Variants in GABBR2 observed in about 807,000 individuals in gnomAD.
GABBR2 encodes the protein G-protein coupled receptor 51.
GABBR2 carries 23 observed loss-of-function variants against 105.6 expected under a neutral mutation model. That is an observed-to-expected ratio of 0.22 (90% CI 0.16 to 0.31). The LOEUF (loss-of-function observed/expected upper bound fraction) is 0.31. GABBR2 is among the 10% of genes least tolerant of loss of function. GABBR2 has a pLI of 1.00. For synonymous variants in GABBR2, 478 were observed against 499.7 expected, an observed-to-expected ratio of 0.96 and a Z score of 0.58; for missense variants, 734 against 1,245.5, an observed-to-expected ratio of 0.59 and a Z score of 6.18.
chr9:98,695,151 A>T (rs112604851), intron 1 of GABBR2, among the ~76,000 whole-genome samples: 2 of 152,196 alleles, frequency 1.3e-5, no homozygotes, highest in Non-Finnish European at 2.9e-5. Flanking sequence ...AGCATCACTC[A>T]TGCGAAACAC....
In GABBR2 at chr9:98,610,253, TAAAG is replaced by T. The variant is rs552109161; in HGVS notation, c.322-32185_322-32182del. Among the ~76,000 whole-genome samples, 227 of 152,270 alleles carry T rather than the reference TAAAG, an allele frequency of 1.5e-3. 2 individuals are homozygous for T. The highest frequency in any genetic ancestry group is 4.7e-3 in the African/African-American group (197 of 41,556). ...TCTCTGAGCCTCAGTTTCCTGCCTA[TAAAG>T]AGAGGATGACAATAGTGCCTATTTC... On this transcript the variant is annotated intron_variant, in intron 1 of 18. Coordinates refer to ENST00000259455, the MANE Select transcript of GABBR2 (RefSeq NM_005458.8).
chr9:98,290,750 C>A lies in GABBR2; in HGVS notation c.2661-1G>T. 1 of 1,479,094 alleles carries A rather than the reference C, an allele frequency of 6.8e-7. No homozygotes were observed. The highest frequency in any genetic ancestry group is 8.9e-7 in the Non-Finnish European group (1 of 1,125,336). 91.6% of individuals were successfully genotyped at this position (1,479,094 alleles called of 1,614,324 possible). On this transcript the variant is annotated splice_acceptor_variant, in intron 18 of 18. Coordinates refer to ENST00000259455, the MANE Select transcript of GABBR2 (RefSeq NM_005458.8). LOFTEE classifies it high-confidence loss of function. ...CTGGAGGGACAGCCGACGCTGGATGCTGAAGAGAAGGAGAGGGAGGAGTGT... is the reference window on the plus strand; with the variant it reads ...CTGGAGGGACAGCCGACGCTGGATGATGAAGAGAAGGAGAGGGAGGAGTGT...
At chr9:98,543,443 C>G (rs1039706891) in intron 2 of GABBR2, among the ~76,000 whole-genome samples, 14 of 152,070 alleles carry the variant, frequency 9.2e-5, no homozygotes, top group Non-Finnish European at 1.6e-4. Flanking sequence ...TAGCTCACTG[C>G]AGCCTGGAAC....
chr9:98,582,273 G>A (rs1468942122), intron 1 of GABBR2, among the ~76,000 whole-genome samples: 1 of 152,226 alleles, frequency 6.6e-6, no homozygotes, highest in African/African-American at 2.4e-5. Flanking sequence ...TTGGAAGCAT[G>A]AGATGGATTT....
chr9:98,633,895 G>GTTGGGAGCTGTCTA (rs1829846815), intron 1 of GABBR2, among the ~76,000 whole-genome samples: 1 of 152,180 alleles, frequency 6.6e-6, no homozygotes, highest in Non-Finnish European at 1.5e-5. Flanking sequence ...CTCAGTGCCG[G>GTTGGGAGCTGTCTA]TTGGGAGCTG....
At chr9:98,325,928 T>G (rs1222752399) in intron 13 of GABBR2, among the ~76,000 whole-genome samples, 1 of 152,216 alleles carries the variant, frequency 6.6e-6, no homozygotes, top group African/African-American at 2.4e-5. Context: ...ATGCATCCTA[T>G]GATTCAGAAC....
intron 3 of GABBR2, among the ~76,000 whole-genome samples, chr9:98,521,432 G>A (rs906142025): frequency 6.6e-6 from 1 of 152,156 alleles, no homozygotes; most frequent in African/African-American, 2.4e-5. Flanking sequence ...TCACTAAGGA[G>A]TCCACCTATC....
At chr9:98,424,043 G>A (rs2131559321) in intron 7 of GABBR2, among the ~76,000 whole-genome samples, 2 of 152,270 alleles carry the variant, frequency 1.3e-5, no homozygotes, top group South Asian at 4.1e-4. Flanking sequence ...ATAGTTTGAA[G>A]TCAGGTATCA....
At chr9:98,481,102 A>G (rs1394606830) in intron 4 of GABBR2, 105 bp from the exon 5 acceptor site, 1 of 784,236 alleles carries the variant, frequency 1.3e-6, no homozygotes, top group Non-Finnish European at 2.3e-6. Flanking sequence ...CTCTTAGCCC[A>G]GAGCTCTGCC....
intron 1 of GABBR2, among the ~76,000 whole-genome samples, chr9:98,578,448 C>A (rs1318463578): frequency 6.6e-6 from 1 of 151,898 alleles, no homozygotes; most frequent in Non-Finnish European, 1.5e-5. Flanking sequence ...TAAAAAAACA[C>A]ACAGAAAACA....
At chr9:98,589,532 G>T (rs887948801) in intron 1 of GABBR2, among the ~76,000 whole-genome samples, 3 of 152,098 alleles carry the variant, frequency 2.0e-5, no homozygotes, top group Admixed American at 2.0e-4. Context: ...GCACACCTGG[G>T]GAACTATTAA....
intron 1 of GABBR2, among the ~76,000 whole-genome samples, chr9:98,706,665 A>G (rs529821425): frequency 3.9e-5 from 6 of 152,326 alleles, no homozygotes; most frequent in African/African-American, 1.4e-4. Context: ...GAAGCTTTCT[A>G]AAGGGAAGAA....
chr9:98,646,509 G>C (rs145058031), intron 1 of GABBR2, among the ~76,000 whole-genome samples: 68 of 152,244 alleles, frequency 4.5e-4, no homozygotes, highest in African/African-American at 1.6e-3. Context: ...TCCTTTTGCT[G>C]TAATAAATCA....
chr9:98,688,183 A>C (rs1830643466), intron 1 of GABBR2, among the ~76,000 whole-genome samples: 1 of 152,136 alleles, frequency 6.6e-6, no homozygotes, highest in Non-Finnish European at 1.5e-5. Flanking sequence ...TGGTTTTTTG[A>C]AACCAAGTGT....
intron 1 of GABBR2, among the ~76,000 whole-genome samples, chr9:98,589,651 G>A (rs1400753457): frequency 2.6e-5 from 4 of 151,224 alleles, no homozygotes; most frequent in South Asian, 2.1e-4. Flanking sequence ...AGACACTTAC[G>A]TCAAACCAGA....
rs7857277 is a variant in GABBR2, at chr9:98,292,227, C to T, written c.2661-1478G>A. 4.1e-3 allele frequency among the ~76,000 whole-genome samples: 627 copies of T among 152,292 alleles called. 6 individuals carry two copies. Among genetic ancestry groups the T allele is most frequent in the African/African-American group, 0.014 (564 of 41,564 alleles). On this transcript the variant is annotated intron_variant, in intron 18 of 18. Transcript: ENST00000259455. ...CACTCACGTGCAAAAAAGCGAAAAA[C>T]AAAAACCCCAGAGCTTAACAGACAC...
intron 3 of GABBR2, among the ~76,000 whole-genome samples, chr9:98,538,283 C>G (rs145700553): frequency 1.1e-4 from 17 of 152,202 alleles, no homozygotes; most frequent in Non-Finnish European, 2.4e-4. Context: ...GATCAGCCCA[C>G]CTGGTACCAA....
Position 98,527,237 on chromosome 9 carries a change from A to T in GABBR2, c.630+14636T>A, listed in dbSNP as rs187961213. On this transcript the variant is annotated intron_variant, in intron 3 of 18. Transcript: ENST00000259455. ...CCTAAGGTTATATTAGCATTTCCCCATTATCAGGGACACAGAAAAATTAAA... is the reference window on the plus strand; with the variant it reads ...CCTAAGGTTATATTAGCATTTCCCCTTTATCAGGGACACAGAAAAATTAAA... Among the ~76,000 whole-genome samples the T allele has an allele frequency of 2.9e-4, 44 of 151,944 alleles. No homozygotes were observed. The East Asian group carries it at 7.3e-3, about 25-fold the overall frequency.
intron 17 of GABBR2, among the ~76,000 whole-genome samples, chr9:98,297,149 C>T (rs1471546659): frequency 6.6e-6 from 1 of 151,968 alleles, no homozygotes; most frequent in Non-Finnish European, 1.5e-5. Context: ...TTCATTTTTC[C>T]CACAAATTTA....
Sources: allele counts gnomAD v4.1 joint callset (sites outside exome capture counted in the v4.1 genomes callset), GRCh38; gene constraint gnomAD v4.1.1; transcripts MANE v1.5; gene names NCBI Gene and HGNC (gene_info 2026-07-23, HGNC 2026-07-21).